TRERF1: variants seen among roughly 807,000 people sequenced by gnomAD.
TRERF1 encodes transcriptional regulating factor 1.
In TRERF1, 27 loss-of-function variants were observed where a neutral mutation model predicts 122.9. That is an observed-to-expected ratio of 0.22 (90% confidence interval 0.16 to 0.30). The LOEUF is 0.30. Among genes scored for constraint, TRERF1 ranks in the 10% least tolerant of loss-of-function variants. The pLI is 1.00. For missense variants in TRERF1, 1,248 were observed against 1,560.3 expected (o/e 0.80, Z 3.37); for synonymous variants, 636 against 641.7 (o/e 0.99, Z 0.13).
intron 3 of TRERF1, among the ~76,000 whole-genome samples, chr6:42,316,643 T>A (rs1221898140): frequency 6.6e-6 from 1 of 152,102 alleles, no homozygotes. Flanking sequence ...AGGAATTTAG[T>A]TTATTGTTTT....
chr6:42,347,799 T>G (rs986770779), intron 3 of TRERF1, among the ~76,000 whole-genome samples: 6 of 152,188 alleles, frequency 3.9e-5, no homozygotes, highest in Admixed American at 3.9e-4. Flanking sequence ...GAGCTAACTG[T>G]GGGACACAGA....
At chr6:42,291,496 T>C (rs958626929) in intron 4 of TRERF1, among the ~76,000 whole-genome samples, 1 of 151,892 alleles carries the variant, frequency 6.6e-6, no homozygotes, top group African/African-American at 2.4e-5. Flanking sequence ...TCCAGTTATC[T>C]GGACAAGTTT....
Position 42,243,374 on chromosome 6 carries a change from C to T in TRERF1, c.2746-13G>A, listed in dbSNP as rs755255805. On this transcript the variant is annotated splice_polypyrimidine_tract_variant and intron_variant, in intron 14 of 17. Coordinates refer to ENST00000372922, the Ensembl canonical transcript of TRERF1. ...TCTTGGACTTCACCTGCCGGGAAAG[C>T]GAACTCAAGGTTAGCTCCAGCAATG... The T allele has an allele frequency of 2.9e-5, 47 of 1,598,288 alleles. No individual in the cohort carries two copies. Among genetic ancestry groups the T allele is most frequent in the Non-Finnish European group, 3.7e-5 (43 of 1,166,126 alleles).
chr6:42,260,250 CA>C (rs1178205925), intron 8 of TRERF1, among the ~76,000 whole-genome samples: 3 of 151,972 alleles, frequency 2.0e-5, no homozygotes, highest in Admixed American at 6.6e-5. Flanking sequence ...TCACTTTCAG[CA>C]GGGGGGGAGA....
chr6:42,302,793 C>T (rs539240992), intron 3 of TRERF1, among the ~76,000 whole-genome samples: 1 of 152,326 alleles, frequency 6.6e-6, no homozygotes, highest in African/African-American at 2.4e-5. Context: ...AGCAGGAATG[C>T]ACTTCATTCC....
intron 3 of TRERF1, among the ~76,000 whole-genome samples, chr6:42,333,985 C>G (rs1345088088): frequency 2.0e-5 from 2 of 99,344 alleles, no homozygotes; most frequent in African/African-American, 7.9e-5. Context: ...AAAAAAAGAC[C>G]ACACACATAC....
At chr6:42,422,504 C>CA (rs70987594) in intron 2 of TRERF1, among the ~76,000 whole-genome samples, 21,724 of 119,920 alleles carry the variant, frequency 0.18, 1,930 homozygotes, top group African/African-American at 0.29. Flanking sequence ...ACCCTGTCTC[C>CA]AAAAAAAAAA....
chr6:42,419,623 T>C (rs1782467270), intron 2 of TRERF1, among the ~76,000 whole-genome samples: 1 of 152,158 alleles, frequency 6.6e-6, no homozygotes, highest in African/African-American at 2.4e-5. Flanking sequence ...ACTCCAAGCT[T>C]ATGCAGCAAC....
chr6:42,295,999 C>T (rs1036203719), intron 4 of TRERF1, among the ~76,000 whole-genome samples: 1 of 152,186 alleles, frequency 6.6e-6, no homozygotes, highest in Non-Finnish European at 1.5e-5. Context: ...CACGACCCTT[C>T]TCCCCCAGCC....
chr6:42,326,488 G>A (rs1764318135), intron 3 of TRERF1, among the ~76,000 whole-genome samples: 1 of 152,198 alleles, frequency 6.6e-6, no homozygotes, highest in Non-Finnish European at 1.5e-5. Context: ...AAACATGAAT[G>A]ACAGAAAGGT....
chr6:42,373,182 G>T lies in TRERF1; in HGVS notation c.-453-10103C>A, dbSNP rs260240. Among the ~76,000 whole-genome samples the T allele has an allele frequency of 4.7e-3, 714 of 152,328 alleles. 6 individuals carry two copies. The highest frequency in any genetic ancestry group is 0.017 in the African/African-American group (689 of 41,574). ...CCGGGGCACTTTCTTCTTTCTAACA[G>T]CCACAGTGTTGTGAAGAAGGGAGCA... On this transcript the variant is annotated intron_variant, in intron 2 of 17. Transcript: ENST00000372922.
At chr6:42,238,025 TG>T (rs1162919387) in intron 15 of TRERF1, among the ~76,000 whole-genome samples, 1 of 152,248 alleles carries the variant, frequency 6.6e-6, no homozygotes, top group African/African-American at 2.4e-5. Flanking sequence ...AAGTGGTTTA[TG>T]ATCTAAGCAG....
chr6:42,344,726 C>G (rs1200102378), intron 3 of TRERF1, among the ~76,000 whole-genome samples: 1 of 152,122 alleles, frequency 6.6e-6, no homozygotes, highest in Non-Finnish European at 1.5e-5. Context: ...ATGTCACAGC[C>G]CCCCACCAGA....
At chr6:42,388,224 C>CT (rs112638565) in intron 2 of TRERF1, among the ~76,000 whole-genome samples, 1,695 of 136,462 alleles carry the variant, frequency 0.012, 13 homozygotes, top group Admixed American at 0.022. Context: ...TGATTTCTTT[C>CT]TTTTTTTTTT....
intron 4 of TRERF1, among the ~76,000 whole-genome samples, chr6:42,273,205 C>T (rs35576857): frequency 0.028 from 4,233 of 151,982 alleles, 58 homozygotes; most frequent in Non-Finnish European, 0.037. Flanking sequence ...TACTCTCTTC[C>T]GCTTGTAATT....
chr6:42,371,999 T>C (rs1236889089), intron 2 of TRERF1, among the ~76,000 whole-genome samples: 2 of 152,132 alleles, frequency 1.3e-5, no homozygotes, highest in East Asian at 1.9e-4. Flanking sequence ...CTGGCCAACA[T>C]GGTGAAACCC....
In TRERF1 at chr6:42,276,561, T is replaced by C. The variant is rs1781184493; in HGVS notation, c.-258-6713A>G. Among the ~76,000 whole-genome samples the C allele has an allele frequency of 6.6e-6, 1 of 152,188 alleles. No individual in the cohort carries two copies. The highest frequency in any genetic ancestry group is 1.5e-5 in the Non-Finnish European group (1 of 68,030). ...AGGAGCCAAGGGCGGCTCTCCAGGA[T>C]GTGGGCCGCAGTTCGCCGTCTTCTT... On this transcript the variant is annotated intron_variant, in intron 4 of 17. Transcript: ENST00000372922. This position sits in a 1 kb window ranked among gnomAD's most constrained non-coding sequence, Gnocchi z 4.3.
intron 3 of TRERF1, among the ~76,000 whole-genome samples, chr6:42,323,203 T>C (rs1231950559): frequency 2.6e-5 from 4 of 151,430 alleles, no homozygotes; most frequent in Non-Finnish European, 5.9e-5. Flanking sequence ...AGTTTTTTTT[T>C]TTTTTTTCCT....
At chr6:42,349,839 G>GATT in intron 3 of TRERF1, among the ~76,000 whole-genome samples, 1 of 152,218 alleles carries the variant, frequency 6.6e-6, no homozygotes, top group East Asian at 1.9e-4. Context: ...ATATCCCACT[G>GATT]ATTTATTTTA....
Sources: gnomAD v4.1 joint callset for allele counts (sites outside exome capture counted in the v4.1 genomes callset) on GRCh38, gnomAD v4.1.1 for gene constraint, Gnocchi (gnomAD v3.1) non-coding constraint, MANE v1.5 for transcripts, NCBI Gene and HGNC (gene_info 2026-07-23, HGNC 2026-07-21) for gene names.